UVRAG: variants seen among roughly 807,000 people sequenced by gnomAD.
UVRAG encodes the protein UV radiation resistance associated.
In UVRAG, 19 loss-of-function variants were observed where a neutral mutation model predicts 78.0. The observed-to-expected ratio is 0.24, with a 90% CI of 0.17 to 0.36. The LOEUF is 0.36. Among genes scored for constraint, UVRAG ranks in the 10% least tolerant of loss-of-function variants. UVRAG has a pLI of 1.00. For synonymous variants in UVRAG, 323 were observed against 324.6 expected (o/e 1.00, Z 0.05); for missense variants, 740 against 853.8 (o/e 0.87, Z 1.66).
intron 5 of UVRAG, among the ~76,000 whole-genome samples, chr11:75,898,168 C>A (rs375222266): frequency 5.3e-5 from 8 of 152,260 alleles, no homozygotes; most frequent in African/African-American, 1.9e-4. Context: ...TGCGCCTGGC[C>A]CATAGCTCTT....
At chr11:76,138,336 C>G (rs1479532070) in intron 14 of UVRAG, among the ~76,000 whole-genome samples, 1 of 152,210 alleles carries the variant, frequency 6.6e-6, no homozygotes, top group African/African-American at 2.4e-5. Context: ...ATCTTCCTCA[C>G]AGGACACTCG....
intron 12 of UVRAG, among the ~76,000 whole-genome samples, chr11:76,033,213 G>C (rs1950468779): frequency 6.6e-6 from 1 of 152,104 alleles, no homozygotes; most frequent in South Asian, 2.1e-4. Context: ...GATACACCTT[G>C]AACCAGTTTA....
intron 6 of UVRAG, among the ~76,000 whole-genome samples, chr11:75,913,980 C>T (rs1321846887): frequency 1.3e-5 from 2 of 152,184 alleles, no homozygotes; most frequent in Admixed American, 6.5e-5. Flanking sequence ...ACAGTGGTCT[C>T]CTCATGCCTA....
At chr11:75,899,472 TCTC>T (rs911046725) in intron 5 of UVRAG, among the ~76,000 whole-genome samples, 4 of 152,160 alleles carry the variant, frequency 2.6e-5, no homozygotes, top group African/African-American at 7.2e-5. Context: ...ATGAGGTAGT[TCTC>T]CTGCTTTTAT....
intron 13 of UVRAG, among the ~76,000 whole-genome samples, chr11:76,095,364 C>T (rs1262948893): frequency 1.3e-5 from 2 of 152,032 alleles, no homozygotes; most frequent in Non-Finnish European, 2.9e-5. Flanking sequence ...TACCACTTAT[C>T]TATCTGCTTT....
intron 12 of UVRAG, among the ~76,000 whole-genome samples, chr11:76,026,572 TC>T (rs1240722708): frequency 2.0e-5 from 3 of 152,144 alleles, no homozygotes; most frequent in Admixed American, 6.6e-5. Flanking sequence ...CTTCTGTGTA[TC>T]CTATAAATTA....
chr11:75,856,910 T>C (rs544346425), intron 2 of UVRAG, among the ~76,000 whole-genome samples: 1 of 152,326 alleles, frequency 6.6e-6, no homozygotes, highest in South Asian at 2.1e-4. Context: ...ATCTCCTGTA[T>C]TCTTCCTTAT....
At chr11:75,877,557 G>T (rs1946823058) in intron 3 of UVRAG, among the ~76,000 whole-genome samples, 1 of 145,128 alleles carries the variant, frequency 6.9e-6, no homozygotes, top group Non-Finnish European at 1.5e-5. Context: ...CCGGGCGGGG[G>T]GCTGACCCCC....
intron 14 of UVRAG, among the ~76,000 whole-genome samples, chr11:76,117,403 C>T (rs1016171616): frequency 6.6e-6 from 1 of 152,166 alleles, no homozygotes; most frequent in African/African-American, 2.4e-5. Context: ...AAACCAAGTT[C>T]GCTTATCCAT....
chr11:75,859,540 T>G (rs1019241769), intron 2 of UVRAG, among the ~76,000 whole-genome samples: 2 of 152,098 alleles, frequency 1.3e-5, no homozygotes, highest in African/African-American at 4.8e-5. Context: ...TAAAATATTT[T>G]AAATACATTA....
intron 14 of UVRAG, among the ~76,000 whole-genome samples, chr11:76,128,108 G>A (rs116248460): frequency 0.01 from 1,566 of 152,218 alleles, 31 homozygotes; most frequent in African/African-American, 0.035. Flanking sequence ...CCCAACCCTC[G>A]GCCATGTACC....
At chr11:76,034,767 A>G (rs186745714) in intron 12 of UVRAG, among the ~76,000 whole-genome samples, 2 of 152,158 alleles carry the variant, frequency 1.3e-5, no homozygotes, top group Admixed American at 6.5e-5. Context: ...ATTATTGGAA[A>G]CCTTTAAAAA....
intron 13 of UVRAG, among the ~76,000 whole-genome samples, chr11:76,112,155 A>T (rs535742095): frequency 6.6e-6 from 1 of 152,298 alleles, no homozygotes; most frequent in East Asian, 1.9e-4. Context: ...GAAATTTCAG[A>T]ATACTAAGGT....
chr11:76,099,797 T>C (rs574309306), intron 13 of UVRAG, among the ~76,000 whole-genome samples: 18 of 152,256 alleles, frequency 1.2e-4, no homozygotes, highest in African/African-American at 4.3e-4. Flanking sequence ...TGATTTTTGT[T>C]TTTCAATTTT....
intron 13 of UVRAG, among the ~76,000 whole-genome samples, chr11:76,112,319 A>G (rs1014271414): frequency 6.6e-6 from 1 of 152,230 alleles, no homozygotes; most frequent in Admixed American, 6.5e-5. Flanking sequence ...AAGTATTTGC[A>G]GCCATGAGTT....
chr11:76,041,618 T>C (rs141241403), intron 12 of UVRAG, among the ~76,000 whole-genome samples: 48 of 152,230 alleles, frequency 3.2e-4, no homozygotes, highest in African/African-American at 1.1e-3. Context: ...CCAGTTATTA[T>C]CTTTGGAAGA....
rs145978820 is a variant in UVRAG at position 76,019,752 on chromosome 11, A to C, written c.1226+2772A>C. ...AGACACAATCACCCTCGTGGCCTCC[A>C]CCACTGGGATTTCCCTGGTTCAGAC... On this transcript the variant is annotated intron_variant, in intron 12 of 14. Transcript: ENST00000356136. Among the ~76,000 whole-genome samples, 214 of 152,334 alleles carry C rather than the reference A, an allele frequency of 1.4e-3. 2 individuals carry two copies. Among genetic ancestry groups the C allele is most frequent in the African/African-American group, 5.0e-3 (206 of 41,578 alleles).
chr11:76,133,228 C>T (rs1293704206), intron 14 of UVRAG, among the ~76,000 whole-genome samples: 3 of 152,120 alleles, frequency 2.0e-5, no homozygotes, highest in East Asian at 3.8e-4. Flanking sequence ...ATCCTTACTG[C>T]AGTAACTATT....
At chr11:76,011,220 A>C (rs1442264289) in intron 11 of UVRAG, among the ~76,000 whole-genome samples, 1 of 152,248 alleles carries the variant, frequency 6.6e-6, no homozygotes. Flanking sequence ...AATGTGAGAT[A>C]AAATGAAATA....
Sources: allele counts gnomAD v4.1 joint callset (sites outside exome capture counted in the v4.1 genomes callset), GRCh38; gene constraint gnomAD v4.1.1; transcripts MANE v1.5; gene names NCBI Gene and HGNC (gene_info 2026-07-23, HGNC 2026-07-21).